The following PRTG variants were observed in gnomAD, a reference collection of about 807,000 sequenced individuals.
PRTG encodes the protein immunoglobulin superfamily, DCC subclass, member 5.
PRTG carries 67 observed loss-of-function variants against 122.5 expected under a neutral mutation model. The observed-to-expected ratio is 0.55, with a 90% CI of 0.45 to 0.67. The LOEUF (loss-of-function observed/expected upper bound fraction) is 0.67, where lower values mean the gene tolerates loss of function less well. Ranked by LOEUF, PRTG falls within the 30% of genes least tolerant of loss-of-function variation. The pLI, the probability that PRTG is intolerant of heterozygous loss-of-function variation, is 0.00. For missense variants in PRTG, 1,435 were observed against 1,415.4 expected, an observed-to-expected ratio of 1.01 and a Z score of -0.22; for synonymous variants, 554 against 501.1, an observed-to-expected ratio of 1.11 and a Z score of -1.41.
chr15:55,716,008 CAT>C (rs1344311009), intron 2 of PRTG, among the ~76,000 whole-genome samples: 1 of 152,230 alleles, frequency 6.6e-6, no homozygotes, highest in Non-Finnish European at 1.5e-5. Context: ...CAAAAACTAT[CAT>C]ATAGACACAG....
intron 15 of PRTG, among the ~76,000 whole-genome samples, chr15:55,631,595 A>T (rs1045877138): frequency 2.0e-5 from 3 of 152,174 alleles, no homozygotes; most frequent in Admixed American, 6.5e-5. Flanking sequence ...AGACTTCTCA[A>T]TCTTAATTAG....
Position 55,687,033 on chromosome 15 carries a change from G to A in PRTG, c.398-3102C>T, listed in dbSNP as rs117419071. Among the ~76,000 whole-genome samples, 151 of 152,214 alleles carry A rather than the reference G, an allele frequency of 9.9e-4. No homozygotes were observed. In the Middle Eastern group the frequency reaches 0.02, roughly 21 times the overall value. The stretch of plus-strand genomic sequence containing the variant: ...CTTCTACATTATAAGCTCACTGAGG[G>A]GCAGCAGCAGGTCATGTTCTTTGCA... On this transcript the variant is annotated intron_variant, in intron 2 of 19. Coordinates refer to ENST00000389286, the MANE Select transcript of PRTG (RefSeq NM_173814.6).
intron 11 of PRTG, chr15:55,655,597 T>A (rs1291864060): frequency 1.3e-5 from 2 of 152,170 alleles, no homozygotes; most frequent in African/African-American, 4.8e-5. Flanking sequence ...CAAGTGGGCT[T>A]TGGACAGTAA....
intron 2 of PRTG, among the ~76,000 whole-genome samples, chr15:55,718,909 A>AT (rs57779298): frequency 0.13 from 19,009 of 151,186 alleles, 1,484 homozygotes; most frequent in East Asian, 0.35. Flanking sequence ...TGCTCGGCTA[A>AT]TTTTTTTTTA....
At chr15:55,643,353 T>A (rs1212695434) in intron 11 of PRTG, among the ~76,000 whole-genome samples, 1 of 152,214 alleles carries the variant, frequency 6.6e-6, no homozygotes, top group Admixed American at 6.5e-5. Context: ...GTCTTTTGGA[T>A]ACATCCTCTT....
In PRTG at chr15:55,614,568, T is replaced by C. The variant is rs1234451599; in HGVS notation, c.*5444A>G. The stretch of plus-strand genomic sequence containing the variant: ...AAGAGAAAAGGAGAAAGGGTAACTA[T>C]AAGAAGAGTTTTCAATTCTTTTTCT... On this transcript the variant is annotated 3_prime_UTR_variant, in exon 20 of 20. Coordinates refer to ENST00000389286, the MANE Select transcript of PRTG (RefSeq NM_173814.6). 2 of 152,136 alleles carry C rather than the reference T, an allele frequency of 1.3e-5. No homozygotes were observed. Among genetic ancestry groups the C allele is most frequent in the Non-Finnish European group, 1.5e-5 (1 of 67,992 alleles). 9.4% of individuals were successfully genotyped at this position (152,136 alleles called of 1,614,324 possible). A position where few individuals can be genotyped will look rare whatever the true frequency, so the allele number is the denominator to read the frequency against.
chr15:55,694,497 C>G (rs1454113946), intron 2 of PRTG, among the ~76,000 whole-genome samples: 3 of 151,938 alleles, frequency 2.0e-5, no homozygotes, highest in African/African-American at 7.3e-5. Context: ...CAAGAAAAAA[C>G]TTGAATGAAA....
At chr15:55,723,134 C>T (rs1214246320) in intron 2 of PRTG, among the ~76,000 whole-genome samples, 6 of 152,050 alleles carry the variant, frequency 3.9e-5, no homozygotes, top group African/African-American at 1.5e-4. Context: ...GGAAACCTTG[C>T]GGCATGCCAC....
In PRTG at chr15:55,612,874, AC is replaced by A. The variant is rs2141697808; in HGVS notation, c.*7137del. ...TCCATTTCAGCTATATCTTTTACCA[AC>A]CACTTTCTTCTATTGGTTTTGTGTA... is the stretch of plus-strand genomic sequence containing the variant. On this transcript the variant is annotated 3_prime_UTR_variant, in exon 20 of 20. Coordinates refer to ENST00000389286, the MANE Select transcript of PRTG (RefSeq NM_173814.6). 6.6e-6 allele frequency: 1 copy of A among 151,494 alleles called. No homozygotes were observed. The highest frequency in any genetic ancestry group is 6.6e-5 in the Admixed American group (1 of 15,218). The allele number at this position is 151,494 out of a possible 1,614,324, so 9.4% of individuals were successfully genotyped here.
At chr15:55,723,744 TC>T in intron 2 of PRTG, among the ~76,000 whole-genome samples, 1 of 108,018 alleles carries the variant, frequency 9.3e-6, no homozygotes, top group Admixed American at 1.1e-4. Context: ...CATATTCTTT[TC>T]TTTTTTCTTT....
intron 2 of PRTG, among the ~76,000 whole-genome samples, chr15:55,713,207 A>G (rs2030459933): frequency 6.6e-6 from 1 of 152,222 alleles, no homozygotes; most frequent in Admixed American, 6.5e-5. Flanking sequence ...ACTGTTCTGC[A>G]TAGTTTCTAT....
At position 55,675,496 on chromosome 15, in the gene PRTG, G is replaced by T. The variant is rs761232407; in HGVS notation, c.1546+23C>A. On this transcript the variant is annotated intron_variant, in intron 9 of 19. Coordinates refer to ENST00000389286, the MANE Select transcript of PRTG (RefSeq NM_173814.6). ...AACATACGAATGTTCATACTGAAAT[G>T]ATCTAGAATCATGTTTTCTTACCAT... 3.2e-6 allele frequency: 5 copies of T among 1,545,630 alleles called. No individual in the cohort carries two copies. In the East Asian group the frequency reaches 1.1e-4, roughly 35 times the overall value.
chr15:55,687,383 A>G (rs2059576256), intron 2 of PRTG, among the ~76,000 whole-genome samples: 1 of 152,210 alleles, frequency 6.6e-6, no homozygotes, highest in Non-Finnish European at 1.5e-5. Context: ...TATAAATGTG[A>G]TTATTGAGAA....
In PRTG at chr15:55,742,941, C is replaced by T. The variant is rs1233090800; in HGVS notation, c.-10G>A. On this transcript the variant is annotated 5_prime_UTR_variant, in exon 1 of 20. Transcript: ENST00000389286. ...GCAGAGGAGGCGCCATTCAGCGTAG[C>T]CGCGCGGGCATGCTCCCCGGCCGCC... 6.6e-7 allele frequency: 1 copy of T among 1,511,858 alleles called. No homozygotes were observed. The highest frequency in any genetic ancestry group is 8.9e-7 in the Non-Finnish European group (1 of 1,129,918). 93.7% of individuals were successfully genotyped at this position (1,511,858 alleles called of 1,614,324 possible). A position where few individuals can be genotyped will look rare whatever the true frequency, so the allele number is the denominator to read the frequency against.
intron 2 of PRTG, among the ~76,000 whole-genome samples, chr15:55,687,958 TCCCTC>T (rs2059579402): frequency 6.6e-6 from 1 of 152,116 alleles, no homozygotes; most frequent in Admixed American, 6.6e-5. Context: ...CCCAATCTCT[TCCCTC>T]CCCTCTGGGA....
chr15:55,648,658 G>A (rs1383270313), intron 11 of PRTG, among the ~76,000 whole-genome samples: 1 of 152,188 alleles, frequency 6.6e-6, no homozygotes, highest in Non-Finnish European at 1.5e-5. Context: ...AGTATCTGAT[G>A]AATGAACAAA....
chr15:55,714,642 T>C (rs1351625679), intron 2 of PRTG, among the ~76,000 whole-genome samples: 1 of 152,128 alleles, frequency 6.6e-6, no homozygotes, highest in Non-Finnish European at 1.5e-5. Flanking sequence ...AAAGTACTTT[T>C]AATTATTTCA....
intron 2 of PRTG, among the ~76,000 whole-genome samples, chr15:55,722,193 G>T (rs553250304): frequency 6.6e-6 from 1 of 152,276 alleles, no homozygotes; most frequent in South Asian, 2.1e-4. Flanking sequence ...CTTTTCTGTA[G>T]ATCTGAAAAT....
chr15:55,618,098 CTTTT>C lies in PRTG; in HGVS notation c.*1910_*1913del, dbSNP rs1337631321. ...TGCAGACTGTTCACCTAAAGCTCTG[CTTTT>C]TTGTTTGTTTTGCGATGAATTCCGT... On this transcript the variant is annotated 3_prime_UTR_variant, in exon 20 of 20. Coordinates refer to ENST00000389286, the MANE Select transcript of PRTG (RefSeq NM_173814.6). 2.0e-5 allele frequency: 3 copies of C among 152,170 alleles called. No homozygotes were observed. Among genetic ancestry groups the C allele is most frequent in the Non-Finnish European group, 4.4e-5 (3 of 68,024 alleles). 9.4% of individuals were successfully genotyped at this position (152,170 alleles called of 1,614,324 possible).
Sources: gnomAD v4.1 joint callset for allele counts (sites outside exome capture counted in the v4.1 genomes callset) on GRCh38, gnomAD v4.1.1 for gene constraint, MANE v1.5 for transcripts, NCBI Gene and HGNC (gene_info 2026-07-23, HGNC 2026-07-21) for gene names.